CRMP1: variants seen among roughly 807,000 people sequenced by gnomAD.
CRMP1 encodes collapsin response mediator protein 1, also known as dihydropyrimidinase-related protein 1.
CRMP1 carries 19 observed loss-of-function variants against 68.3 expected under a neutral mutation model. The ratio of observed to expected loss-of-function variants is 0.28; its 90% CI spans 0.19 to 0.41. CRMP1 has a LOEUF of 0.41. CRMP1 is among the 10% of genes least tolerant of loss of function. The probability of loss-of-function intolerance (pLI) is 1.00; values close to 1 mark genes in which losing one functional copy is unlikely to be tolerated. For missense variants in CRMP1, 791 were observed against 967.4 expected (o/e 0.82, Z 2.42); for synonymous variants, 439 against 399.6 (o/e 1.10, Z -1.18).
Position 5,843,234 on chromosome 4 carries a change from T to TGTCTAACCAGGG in CRMP1, c.964-74_964-73insCCCTGGTTAGAC. ...GGGAGAAGTGACTCCTCCAACCCCCTGGTTAGACAGAGGGGGCAGCTGGGT... is the reference window on the plus strand; with the variant it reads ...GGGAGAAGTGACTCCTCCAACCCCCTGTCTAACCAGGGGGTTAGACAGAGGGGGCAGCTGGGT... On this transcript the variant is annotated intron_variant, in intron 6 of 13. Coordinates refer to ENST00000324989, the MANE Select transcript of CRMP1 (RefSeq NM_001014809.3). This position sits in a 1 kb window ranked among gnomAD's most constrained non-coding sequence, Gnocchi z 4.1. The TGTCTAACCAGGG allele has an allele frequency of 6.6e-7, 1 of 1,513,600 alleles. No individual in the cohort carries two copies. The highest frequency in any genetic ancestry group is 9.2e-7 in the Non-Finnish European group (1 of 1,089,910). 93.8% of individuals were successfully genotyped at this position (1,513,600 alleles called of 1,614,324 possible).
Position 5,821,884 on chromosome 4 carries a change from A to T in CRMP1, c.1970-33T>A, listed in dbSNP as rs780200533. On this transcript the variant is annotated intron_variant, in intron 13 of 13. Transcript: ENST00000324989. This position sits in a 1 kb window ranked among gnomAD's most constrained non-coding sequence, Gnocchi z 4.4. ...AGAGCGCCAATCGCTGCTGGATGGG[A>T]TCTGTTAGCATCAGTTCCACGCTGC... 3.3e-6 allele frequency: 5 copies of T among 1,505,876 alleles called. No homozygotes were observed. The South Asian group carries it at 6.0e-5, about 18-fold the overall frequency. The allele number at this position is 1,505,876 out of a possible 1,614,324, so 93.3% of individuals were successfully genotyped here.
chr4:5,840,867 A>C (rs1231463288), intron 8 of CRMP1, among the ~76,000 whole-genome samples: 2 of 152,062 alleles, frequency 1.3e-5, no homozygotes, highest in African/African-American at 4.8e-5. Flanking sequence ...CTAAAACAAC[A>C]TATTTGGGGT....
chr4:5,848,650 T>A (rs11946892), intron 6 of CRMP1, among the ~76,000 whole-genome samples: 25,376 of 152,262 alleles, frequency 0.17, 2,425 homozygotes, highest in African/African-American at 0.26. Context: ...CTGATGCTAT[T>A]ACAGAATACC....
At chr4:5,848,832 C>A (rs1326481618) in intron 6 of CRMP1, among the ~76,000 whole-genome samples, 1 of 152,186 alleles carries the variant, frequency 6.6e-6, no homozygotes, top group East Asian at 1.9e-4. Flanking sequence ...CTCTTCTTCT[C>A]CTTATAAAGC....
intron 10 of CRMP1, 43 bp from the exon 11 acceptor site, chr4:5,836,128 G>A (rs764999499): frequency 7.2e-7 from 1 of 1,395,226 alleles, no homozygotes. Flanking sequence ...CTCATAATGG[G>A]GCCAGGAGGA....
chr4:5,825,752 C>T lies in CRMP1; in HGVS notation c.1804-93G>A. ...CAGAGCCCTGCGGGCGAGAGAGAAACCTGAGGTCACTTCAAATGTGCATGC... is the reference window on the plus strand; with the variant it reads ...CAGAGCCCTGCGGGCGAGAGAGAAATCTGAGGTCACTTCAAATGTGCATGC... On this transcript the variant is annotated intron_variant, in intron 12 of 13. Coordinates refer to ENST00000324989, the MANE Select transcript of CRMP1 (RefSeq NM_001014809.3). The surrounding 1 kb of genome is among the most constrained non-coding windows in gnomAD (Gnocchi z 4.4). 2 of 1,320,600 alleles carry T rather than the reference C, an allele frequency of 1.5e-6. No individual in the cohort carries two copies. The highest frequency in any genetic ancestry group is 2.7e-5 in the South Asian group (2 of 74,472). The allele number at this position is 1,320,600 out of a possible 1,614,324, so 81.8% of individuals were successfully genotyped here.
chr4:5,892,649 C>T lies in CRMP1; in HGVS notation c.321G>A (p.Pro107=). The change falls in exon 1 of 14, where the codon CCG becomes CCA. Residue 107 remains proline (P), a synonymous_variant. Coordinates refer to ENST00000324989, the MANE Select transcript of CRMP1 (RefSeq NM_001014809.3). This position sits in a 1 kb window ranked among gnomAD's most constrained non-coding sequence, Gnocchi z 8.6. The part of the protein sequence containing the change: ...SSPGERDERP[P]TLRIRRPAPR... ...GCGCGGGGCGGCGGATGCGCAGCGT[C>T]GGCGGCCGCTCGTCGCGCTCTCCGG... is the stretch of plus-strand genomic sequence containing the variant. The T allele has an allele frequency of 2.5e-6, 3 of 1,193,668 alleles. No individual in the cohort carries two copies. The highest frequency in any genetic ancestry group is 3.6e-5 in the East Asian group (1 of 27,574). 73.9% of individuals were successfully genotyped at this position (1,193,668 alleles called of 1,614,324 possible).
rs1467514039 is a variant in CRMP1, at chr4:5,888,926, C to G, written c.381+3663G>C. On this transcript the variant is annotated intron_variant, in intron 1 of 13. Coordinates refer to ENST00000324989, the MANE Select transcript of CRMP1 (RefSeq NM_001014809.3). This position sits in a 1 kb window ranked among gnomAD's most constrained non-coding sequence, Gnocchi z 6.4. ...GATCGCGCCCAAGGACCGCTCCCCTCTTGCCTCTCCTTCCATAGCCTCCGT... is the reference window on the plus strand; with the variant it reads ...GATCGCGCCCAAGGACCGCTCCCCTGTTGCCTCTCCTTCCATAGCCTCCGT... 6.6e-6 allele frequency among the ~76,000 whole-genome samples: 1 copy of G among 152,008 alleles called. No individual in the cohort carries two copies. The highest frequency in any genetic ancestry group is 1.5e-5 in the Non-Finnish European group (1 of 67,974).
chr4:5,821,933 A>C lies in CRMP1; in HGVS notation c.1970-82T>G. On this transcript the variant is annotated intron_variant, in intron 13 of 13. Coordinates refer to ENST00000324989, the MANE Select transcript of CRMP1 (RefSeq NM_001014809.3). This position sits in a 1 kb window ranked among gnomAD's most constrained non-coding sequence, Gnocchi z 4.4. The stretch of plus-strand genomic sequence containing the variant: ...GCTCCTGGAGGCCATGTACTCTGCC[A>C]TGCACTCCACTGGACCCACCTTCAT... 2 of 1,113,552 alleles carry C rather than the reference A, an allele frequency of 1.8e-6. No individual in the cohort carries two copies. The highest frequency in any genetic ancestry group is 1.2e-6 in the Non-Finnish European group (1 of 812,162). 69.0% of individuals were successfully genotyped at this position (1,113,552 alleles called of 1,614,324 possible).
chr4:5,877,675 C>T lies in CRMP1; in HGVS notation c.382-10919G>A, dbSNP rs557216519. 5.3e-5 allele frequency among the ~76,000 whole-genome samples: 8 copies of T among 152,184 alleles called. No individual in the cohort carries two copies. Among genetic ancestry groups the T allele is most frequent in the Non-Finnish European group, 8.8e-5 (6 of 68,034 alleles). On this transcript the variant is annotated intron_variant, in intron 1 of 13. Coordinates refer to ENST00000324989, the MANE Select transcript of CRMP1 (RefSeq NM_001014809.3). This position sits in a 1 kb window ranked among gnomAD's most constrained non-coding sequence, Gnocchi z 4.3. ...CCCCTCTCACGGGTAGGGGACAGGGCGGCTTTCCCCCTTTCATGAATGGGA... is the reference window on the plus strand; with the variant it reads ...CCCCTCTCACGGGTAGGGGACAGGGTGGCTTTCCCCCTTTCATGAATGGGA...
intron 13 of CRMP1, chr4:5,824,178 G>A (rs541646201): frequency 4.7e-4 from 180 of 383,240 alleles, no homozygotes; most frequent in Admixed American, 8.4e-4. Flanking sequence ...CATAACTCCA[G>A]AACAGTGGTC....
At chr4:5,851,378 G>A (rs773208613) in intron 5 of CRMP1, 30 bp downstream of exon 5, 1 of 1,606,196 alleles carries the variant, frequency 6.2e-7, no homozygotes, top group Middle Eastern at 1.7e-4. Context: ...GCCCAGACAA[G>A]AGAGGAGAGA....
intron 4 of CRMP1, 150 bp from the exon 5 acceptor site, chr4:5,851,619 G>A (rs554953836): frequency 9.6e-5 from 72 of 751,694 alleles, no homozygotes; most frequent in Non-Finnish European, 1.6e-4. Flanking sequence ...TCCAGCCTGA[G>A]GATGTGGGCG....
At position 5,821,678 on chromosome 4, in the gene CRMP1, G is replaced by A; in HGVS notation, c.*82C>T. ...CCCTCCATCAGCACCAACTAAAACTGTGGGTTTCAAAAACACTGACAGGAA... is the reference window on the plus strand; with the variant it reads ...CCCTCCATCAGCACCAACTAAAACTATGGGTTTCAAAAACACTGACAGGAA... On this transcript the variant is annotated 3_prime_UTR_variant, in exon 14 of 14. Coordinates refer to ENST00000324989, the MANE Select transcript of CRMP1 (RefSeq NM_001014809.3). The surrounding 1 kb of genome is among the most constrained non-coding windows in gnomAD (Gnocchi z 4.4). The A allele has an allele frequency of 2.2e-6, 3 of 1,338,562 alleles. No homozygotes were observed. Among genetic ancestry groups the A allele is most frequent in the Admixed American group, 2.1e-5 (1 of 48,014 alleles). The allele number at this position is 1,338,562 out of a possible 1,614,324, so 82.9% of individuals were successfully genotyped here. A position where few individuals can be genotyped will look rare whatever the true frequency, so the allele number is the denominator to read the frequency against.
chr4:5,880,766 T>C (rs1413624670), intron 1 of CRMP1, among the ~76,000 whole-genome samples: 1 of 152,204 alleles, frequency 6.6e-6, no homozygotes, highest in Admixed American at 6.5e-5. Flanking sequence ...GCATAGTAAC[T>C]ACCTTCATGT....
intron 9 of CRMP1, among the ~76,000 whole-genome samples, chr4:5,837,904 A>C (rs1720837151): frequency 6.6e-6 from 1 of 152,158 alleles, no homozygotes; most frequent in African/African-American, 2.4e-5. Flanking sequence ...GACTGCATCT[A>C]AGATCAGAAA....
At chr4:5,874,083 A>T (rs538663860) in intron 1 of CRMP1, among the ~76,000 whole-genome samples, 1 of 152,228 alleles carries the variant, frequency 6.6e-6, no homozygotes, top group Non-Finnish European at 1.5e-5. Context: ...TGCAACAGGT[A>T]TCAAAGGCCT....
chr4:5,821,527 A>G lies in CRMP1; in HGVS notation c.*233T>C, dbSNP rs1718554311. 1 of 545,744 alleles carries G rather than the reference A, an allele frequency of 1.8e-6. No homozygotes were observed. Among genetic ancestry groups the G allele is most frequent in the African/African-American group, 1.9e-5 (1 of 53,348 alleles). The allele number at this position is 545,744 out of a possible 1,614,324, so 33.8% of individuals were successfully genotyped here. On this transcript the variant is annotated 3_prime_UTR_variant, in exon 14 of 14. Coordinates refer to ENST00000324989, the MANE Select transcript of CRMP1 (RefSeq NM_001014809.3). This position sits in a 1 kb window ranked among gnomAD's most constrained non-coding sequence, Gnocchi z 4.4. ...TTCACTAGGAAGGGGGAATGAAAAC[A>G]CCATGCTCCGAGGTGGATTCAGCAT...
In CRMP1 at chr4:5,821,570, A is replaced by G; in HGVS notation, c.*190T>C. 1 of 597,304 alleles carries G rather than the reference A, an allele frequency of 1.7e-6. No homozygotes were observed. Among genetic ancestry groups the G allele is most frequent in the Non-Finnish European group, 2.9e-6 (1 of 340,944 alleles). The allele number at this position is 597,304 out of a possible 1,614,324, so 37.0% of individuals were successfully genotyped here. A position where few individuals can be genotyped will look rare whatever the true frequency, so the allele number is the denominator to read the frequency against. On this transcript the variant is annotated 3_prime_UTR_variant, in exon 14 of 14. Transcript: ENST00000324989. This position sits in a 1 kb window ranked among gnomAD's most constrained non-coding sequence, Gnocchi z 4.4. The stretch of plus-strand genomic sequence containing the variant: ...TTCAGCATGAACACAACTGTGGGGC[A>G]AGGAATTTCCAAGCAAACACACCAC...
Sources: allele counts gnomAD v4.1 joint callset (sites outside exome capture counted in the v4.1 genomes callset), GRCh38; gene constraint gnomAD v4.1.1; non-coding constraint Gnocchi (gnomAD v3.1); transcripts MANE v1.5; gene names NCBI Gene and HGNC (gene_info 2026-07-23, HGNC 2026-07-21).